The following ATG10 variants were observed in gnomAD, a reference collection of about 807,000 sequenced individuals.
The protein encoded by ATG10 is ubiquitin-like-conjugating enzyme ATG10.
Under a neutral mutation model 32.1 loss-of-function variants are expected in ATG10, and 30 were observed. The ratio of observed to expected loss-of-function variants is 0.94; its 90% CI spans 0.70 to 1.27. ATG10 has a LOEUF of 1.27. ATG10 is among the 50% of genes most tolerant of loss of function. The pLI is 0.00. For synonymous variants in ATG10, 87 were observed against 91.5 expected, an observed-to-expected ratio of 0.95 and a Z score of 0.28; for missense variants, 233 against 262.3, an observed-to-expected ratio of 0.89 and a Z score of 0.77.
chr5:82,101,103 T>A (rs1765256105), intron 3 of ATG10, among the ~76,000 whole-genome samples: 1 of 152,148 alleles, frequency 6.6e-6, no homozygotes, highest in South Asian at 2.1e-4. Flanking sequence ...TTATCCATAG[T>A]CTCAGTATGT....
At chr5:82,003,242 A>G (rs940023996) in intron 2 of ATG10, among the ~76,000 whole-genome samples, 2 of 152,242 alleles carry the variant, frequency 1.3e-5, no homozygotes, top group African/African-American at 2.4e-5. Flanking sequence ...CGTAATATTA[A>G]TCTGCACTGG....
intron 3 of ATG10, among the ~76,000 whole-genome samples, chr5:82,121,515 G>A (rs968580953): frequency 4.6e-5 from 7 of 152,180 alleles, no homozygotes; most frequent in Non-Finnish European, 8.8e-5. Context: ...GGAGTGGTGA[G>A]AGAGGGCATC....
intron 2 of ATG10, among the ~76,000 whole-genome samples, chr5:81,994,203 GCT>G (rs1761593132): frequency 6.6e-6 from 1 of 151,934 alleles, no homozygotes; most frequent in East Asian, 1.9e-4. Flanking sequence ...TTCAGTTTGG[GCT>G]CTCTCTTGTC....
chr5:82,213,761 A>G (rs544377534), intron 5 of ATG10, among the ~76,000 whole-genome samples: 3 of 152,318 alleles, frequency 2.0e-5, no homozygotes, highest in South Asian at 2.1e-4. Flanking sequence ...TATGCCTTCA[A>G]TAAGTCCAGT....
chr5:82,192,787 G>A (rs1384684725), intron 5 of ATG10, among the ~76,000 whole-genome samples: 1 of 152,186 alleles, frequency 6.6e-6, no homozygotes, highest in Non-Finnish European at 1.5e-5. Context: ...AGCACTGCTG[G>A]TCAATAGAAT....
chr5:82,109,900 C>T (rs1442672585), intron 3 of ATG10, among the ~76,000 whole-genome samples: 2 of 151,690 alleles, frequency 1.3e-5, no homozygotes, highest in African/African-American at 2.4e-5. Flanking sequence ...GTGTGCTGCA[C>T]CCATTAACTC....
chr5:82,199,427 C>T (rs890301469), intron 5 of ATG10, among the ~76,000 whole-genome samples: 6 of 151,924 alleles, frequency 3.9e-5, no homozygotes, highest in East Asian at 1.9e-4. Flanking sequence ...ACTAGACTTG[C>T]GAGTCTTTAA....
At chr5:82,145,912 G>A (rs1399467431) in intron 3 of ATG10, among the ~76,000 whole-genome samples, 1 of 152,000 alleles carries the variant, frequency 6.6e-6, no homozygotes, top group African/African-American at 2.4e-5. Flanking sequence ...TCACCATGTT[G>A]GCCAGGCTGG....
At chr5:82,104,545 C>A (rs1298655791) in intron 3 of ATG10, among the ~76,000 whole-genome samples, 2 of 151,940 alleles carry the variant, frequency 1.3e-5, no homozygotes, top group East Asian at 1.9e-4. Flanking sequence ...GATTTAACAT[C>A]CGATTTTATA....
At chr5:82,202,479 A>G (rs140000713) in intron 5 of ATG10, among the ~76,000 whole-genome samples, 1 of 152,368 alleles carries the variant, frequency 6.6e-6, no homozygotes, top group Non-Finnish European at 1.5e-5. Flanking sequence ...GTTCCTTGAA[A>G]TAAATCTCTG....
At chr5:82,081,046 G>A (rs531042120) in intron 3 of ATG10, among the ~76,000 whole-genome samples, 21 of 152,238 alleles carry the variant, frequency 1.4e-4, no homozygotes, top group Admixed American at 1.1e-3. Flanking sequence ...CTTGAGCAGT[G>A]GTTTGTAGTT....
chr5:82,056,771 A>T (rs1476213194), intron 2 of ATG10, among the ~76,000 whole-genome samples: 1 of 152,204 alleles, frequency 6.6e-6, no homozygotes, highest in Non-Finnish European at 1.5e-5. Flanking sequence ...AGGAGAATTG[A>T]GGAGCAATTG....
intron 3 of ATG10, among the ~76,000 whole-genome samples, chr5:82,132,833 T>C (rs1476583982): frequency 1.3e-5 from 2 of 152,112 alleles, no homozygotes; most frequent in Admixed American, 6.5e-5. Flanking sequence ...TGACAATGGT[T>C]TAACTAATTT....
intron 3 of ATG10, among the ~76,000 whole-genome samples, chr5:82,133,625 G>T (rs535779715): frequency 2.0e-5 from 3 of 152,068 alleles, no homozygotes; most frequent in Non-Finnish European, 4.4e-5. Context: ...AGTTACCGTA[G>T]CCTTGTAGTG....
chr5:82,250,403 G>A (rs1404830933), intron 5 of ATG10, among the ~76,000 whole-genome samples: 1 of 152,268 alleles, frequency 6.6e-6, no homozygotes, highest in Non-Finnish European at 1.5e-5. Context: ...AGTTCTGAAG[G>A]CTACAGGATC....
At chr5:82,092,524 A>G (rs1042816664) in intron 3 of ATG10, among the ~76,000 whole-genome samples, 5 of 152,174 alleles carry the variant, frequency 3.3e-5, no homozygotes, top group African/African-American at 9.7e-5. Flanking sequence ...CCTGGAGTCA[A>G]TTCTGAGGCT....
chr5:82,202,702 G>A (rs541826870), intron 5 of ATG10, among the ~76,000 whole-genome samples: 1 of 152,218 alleles, frequency 6.6e-6, no homozygotes, highest in South Asian at 2.1e-4. Context: ...ATGTAGTTCC[G>A]TGTGACTAGT....
At chr5:82,125,934 G>A (rs938767950) in intron 3 of ATG10, among the ~76,000 whole-genome samples, 3 of 151,894 alleles carry the variant, frequency 2.0e-5, no homozygotes, top group Admixed American at 6.6e-5. Flanking sequence ...CTATTTGTTC[G>A]TGTCCTCTCT....
intron 3 of ATG10, among the ~76,000 whole-genome samples, chr5:82,127,152 T>C (rs1766312264): frequency 6.6e-6 from 1 of 152,150 alleles, no homozygotes; most frequent in African/African-American, 2.4e-5. Context: ...TTTTATTGCA[T>C]GTATTTGATT....
Sources: allele counts gnomAD v4.1 joint callset (sites outside exome capture counted in the v4.1 genomes callset), GRCh38; gene constraint gnomAD v4.1.1; transcripts MANE v1.5; gene names NCBI Gene and HGNC (gene_info 2026-07-23, HGNC 2026-07-21).